Variants in H1-4 observed in about 807,000 individuals in gnomAD.
H1-4 encodes H1.4 linker histone, cluster member, also known as histone H1.4.
Under a neutral mutation model 7.2 loss-of-function variants are expected in H1-4, and 9 were observed. That is an observed-to-expected ratio of 1.25 (90% CI 0.75 to 2.18). The LOEUF is 2.18. Among genes scored for constraint, H1-4 ranks in the 30% most tolerant of loss-of-function variants. H1-4 has a pLI of 0.00. For missense variants in H1-4, 646 were observed against 287.9 expected (o/e 2.24, Z -9.00); for synonymous variants, 318 against 126.6 (o/e 2.51, Z -10.15).
In H1-4 at chr6:26,156,968, C is replaced by A. The variant is rs548744758; in HGVS notation, c.578C>A (p.Ala193Glu). The change falls in exon 1 of 1, where the codon GCA (alanine) becomes GAA (glutamate). Residue 193 changes from alanine to glutamate, a missense_variant. Transcript: ENST00000304218. ...KAPKSPAKAKAVKPKAAKPKT... is the reference protein window; with the variant it reads ...KAPKSPAKAKEVKPKAAKPKT... Reference sequence around the variant, plus strand: ...CCCAAGAGCCCAGCGAAGGCCAAAGCAGTTAAACCCAAGGCGGCTAAACCA... The same window carrying A: ...CCCAAGAGCCCAGCGAAGGCCAAAGAAGTTAAACCCAAGGCGGCTAAACCA... The A allele has an allele frequency of 6.2e-7, 1 of 1,611,962 alleles. No homozygotes were observed. The highest frequency in any genetic ancestry group is 8.5e-7 in the Non-Finnish European group (1 of 1,179,814).
Position 26,156,367 on chromosome 6 carries a change from C to G in H1-4, c.-24C>G, listed in dbSNP as rs150110215. The G allele has an allele frequency of 7.0e-5, 107 of 1,526,300 alleles. 1 individual carries two copies. The South Asian group carries it at 7.9e-4, about 11-fold the overall frequency. The allele number at this position is 1,526,300 out of a possible 1,614,324, so 94.5% of individuals were successfully genotyped here. On this transcript the variant is annotated 5_prime_UTR_variant, in exon 1 of 1. Transcript: ENST00000304218. ...GTGCCTCTGCTTCCGGCTCGAATTGCTCTCGCTCACGCTTGCCTTCAACAT... is the reference window on the plus strand; with the variant it reads ...GTGCCTCTGCTTCCGGCTCGAATTGGTCTCGCTCACGCTTGCCTTCAACAT...
Position 26,156,658 on chromosome 6 carries a change from A to G in H1-4, c.268A>G (p.Lys90Glu). ...IKLGLKSLVS[K>E]GTLVQTKGTG... ...GCTGGGTCTCAAGAGCCTGGTGAGC[A>G]AGGGCACCCTGGTGCAGACCAAGGG... Residue 90 changes from lysine (K) to glutamate (E), a missense_variant, in exon 1 of 1, where the codon AAG becomes GAG. Physicochemically the swap from Lys to Glu is moderately conservative, Grantham distance 56. Coordinates refer to ENST00000304218, the MANE Select transcript of H1-4 (RefSeq NM_005321.3). 1.2e-6 allele frequency: 2 copies of G among 1,614,220 alleles called. No homozygotes were observed. Among genetic ancestry groups the G allele is most frequent in the Non-Finnish European group, 1.7e-6 (2 of 1,180,016 alleles).
In H1-4 at chr6:26,156,834, G is replaced by T. The variant is rs920574953; in HGVS notation, c.444G>T (p.Lys148Asn). 2 of 1,606,810 alleles carry T rather than the reference G, an allele frequency of 1.2e-6. No individual in the cohort carries two copies. Among genetic ancestry groups the T allele is most frequent in the Non-Finnish European group, 1.7e-6 (2 of 1,177,020 alleles). The change falls in exon 1 of 1, where the codon AAG becomes AAT. Residue 148 changes from lysine (K) to asparagine (N), a missense_variant. Lys to Asn is a moderately conservative substitution (Grantham distance 94). Transcript: ENST00000304218. ...PKKATGAATP[K>N]KSAKKTPKKA... is the part of the protein sequence containing the mutation. ...AGGCGACGGGGGCGGCCACCCCCAA[G>T]AAGAGCGCCAAGAAGACCCCAAAGA...
rs61729264 is a variant in H1-4 at position 26,156,765 on chromosome 6, G to T, written c.375G>T (p.Ala125=). The part of the protein sequence containing the change: ...EAKPKAKKAG[A]AKAKKPAGAA... ...AGCCTAAGGCTAAAAAGGCAGGCGC[G>T]GCCAAGGCCAAGAAGCCAGCAGGAG... Residue 125 remains alanine (A), a synonymous_variant, in exon 1 of 1, where the codon GCG becomes GCT. Transcript: ENST00000304218. 8,670 of 1,613,326 alleles carry T rather than the reference G, an allele frequency of 5.4e-3. 235 individuals are homozygous for T. The African/African-American group carries it at 0.071, about 13-fold the overall frequency.
At position 26,156,344 on chromosome 6, in the gene H1-4, G is replaced by C; in HGVS notation, c.-47G>C. On this transcript the variant is annotated 5_prime_UTR_variant, in exon 1 of 1. Coordinates refer to ENST00000304218, the MANE Select transcript of H1-4 (RefSeq NM_005321.3). ...CGCCGCGGCTCGAGTCCCGGCCAGT[G>C]CCTCTGCTTCCGGCTCGAATTGCTC... The C allele has an allele frequency of 6.7e-7, 1 of 1,497,108 alleles. No individual in the cohort carries two copies. The highest frequency in any genetic ancestry group is 1.3e-5 in the South Asian group (1 of 76,470). 92.7% of individuals were successfully genotyped at this position (1,497,108 alleles called of 1,614,324 possible). A position where few individuals can be genotyped will look rare whatever the true frequency, so the allele number is the denominator to read the frequency against.
In H1-4 at chr6:26,156,341, A is replaced by G. The variant is rs745597884; in HGVS notation, c.-50A>G. On this transcript the variant is annotated 5_prime_UTR_variant, in exon 1 of 1. Coordinates refer to ENST00000304218, the MANE Select transcript of H1-4 (RefSeq NM_005321.3). ...CAGCGCCGCGGCTCGAGTCCCGGCC[A>G]GTGCCTCTGCTTCCGGCTCGAATTG... The G allele has an allele frequency of 5.0e-5, 75 of 1,485,222 alleles. No individual in the cohort carries two copies. The highest frequency in any genetic ancestry group is 6.8e-5 in the East Asian group (3 of 43,922). 92.0% of individuals were successfully genotyped at this position (1,485,222 alleles called of 1,614,324 possible). A position where few individuals can be genotyped will look rare whatever the true frequency, so the allele number is the denominator to read the frequency against.
At position 26,156,960 on chromosome 6, in the gene H1-4, G is replaced by T; in HGVS notation, c.570G>T (p.Lys190Asn). Residue 190 changes from lysine (K) to asparagine (N), a missense_variant, in exon 1 of 1, where the codon AAG (lysine) becomes AAT (asparagine). By Grantham distance (94) the Lys-to-Asn change is moderately conservative. Coordinates refer to ENST00000304218, the MANE Select transcript of H1-4 (RefSeq NM_005321.3). ...AAAAGGCGCCCAAGAGCCCAGCGAA[G>T]GCCAAAGCAGTTAAACCCAAGGCGG... ...KPKKAPKSPAKAKAVKPKAAK... is the reference protein window; with the variant it reads ...KPKKAPKSPANAKAVKPKAAK... 1 of 1,612,476 alleles carries T rather than the reference G, an allele frequency of 6.2e-7. No homozygotes were observed. The highest frequency in any genetic ancestry group is 8.5e-7 in the Non-Finnish European group (1 of 1,179,904).
chr6:26,157,036 G>T lies in H1-4; in HGVS notation c.646G>T (p.Ala216Ser), dbSNP rs1476162121. 2 of 1,581,404 alleles carry T rather than the reference G, an allele frequency of 1.3e-6. No homozygotes were observed. Among genetic ancestry groups the T allele is most frequent in the Non-Finnish European group, 8.5e-7 (1 of 1,171,852 alleles). The change falls in exon 1 of 1, where the codon GCC becomes TCC. Residue 216 changes from alanine to serine, a missense_variant. Transcript: ENST00000304218. ...GGCAGCCAAGCCAAAGAAGGCGGCA[G>T]CCAAGAAAAAGTAGAAAGTTCCTTT... is the stretch of plus-strand genomic sequence containing the variant. ...PKAAKPKKAAAKKK is the reference protein window; with the variant it reads ...PKAAKPKKAASKKK
rs553846121 is a variant in H1-4, at chr6:26,156,354, C to G, written c.-37C>G. ...CGAGTCCCGGCCAGTGCCTCTGCTT[C>G]CGGCTCGAATTGCTCTCGCTCACGC... is the stretch of plus-strand genomic sequence containing the variant. On this transcript the variant is annotated 5_prime_UTR_variant, in exon 1 of 1. Transcript: ENST00000304218. The G allele has an allele frequency of 6.6e-6, 10 of 1,514,750 alleles. No homozygotes were observed. Among genetic ancestry groups the G allele is most frequent in the Non-Finnish European group, 8.8e-6 (10 of 1,136,184 alleles). The allele number at this position is 1,514,750 out of a possible 1,614,324, so 93.8% of individuals were successfully genotyped here.
In H1-4 at chr6:26,157,020, G is replaced by C; in HGVS notation, c.630G>C (p.Lys210Asn). 1 of 1,584,184 alleles carries C rather than the reference G, an allele frequency of 6.3e-7. No homozygotes were observed. ...AGACCGCCAAGCCCAAGGCAGCCAA[G>C]CCAAAGAAGGCGGCAGCCAAGAAAA... Reference protein sequence around the residue: ...KPKTAKPKAAKPKKAAAKKK With the variant: ...KPKTAKPKAANPKKAAAKKK Residue 210 changes from lysine (K) to asparagine (N), a missense_variant, in exon 1 of 1, where the codon AAG becomes AAC. Physicochemically the swap from Lys to Asn is moderately conservative, Grantham distance 94 (BLOSUM62 0). Coordinates refer to ENST00000304218, the MANE Select transcript of H1-4 (RefSeq NM_005321.3).
chr6:26,156,990 A>AC lies in H1-4; in HGVS notation c.602dup (p.Thr203AspfsTer?). On this transcript the variant is annotated frameshift_variant, in exon 1 of 1. Transcript: ENST00000304218. LOFTEE classifies it high-confidence loss of function. Reference sequence around the variant, plus strand: ...AAGCAGTTAAACCCAAGGCGGCTAAACCAAAGACCGCCAAGCCCAAGGCAG... The same window carrying AC: ...AAGCAGTTAAACCCAAGGCGGCTAAACCCAAAGACCGCCAAGCCCAAGGCAG... The AC allele has an allele frequency of 6.2e-7, 1 of 1,604,940 alleles. No homozygotes were observed. The highest frequency in any genetic ancestry group is 8.5e-7 in the Non-Finnish European group (1 of 1,177,922).
Position 26,156,740 on chromosome 6 carries a change from A to C in H1-4, c.350A>C (p.Lys117Thr), listed in dbSNP as rs36026202. 1 of 1,614,146 alleles carries C rather than the reference A, an allele frequency of 6.2e-7. No individual in the cohort carries two copies. The highest frequency in any genetic ancestry group is 8.5e-7 in the Non-Finnish European group (1 of 1,180,016). Residue 117 changes from lysine (K) to threonine (T), a missense_variant, in exon 1 of 1, where the codon AAG (lysine) becomes ACG (threonine). Coordinates refer to ENST00000304218, the MANE Select transcript of H1-4 (RefSeq NM_005321.3). ...AAGAAGGCGGCCTCTGGGGAAGCCA[A>C]GCCTAAGGCTAAAAAGGCAGGCGCG... ...LNKKAASGEA[K>T]PKAKKAGAAK...
rs760642724 is a variant in H1-4, at chr6:26,156,780, G to A, written c.390G>A (p.Lys130=). The A allele has an allele frequency of 6.2e-6, 10 of 1,612,500 alleles. No homozygotes were observed. The highest frequency in any genetic ancestry group is 1.3e-5 in the African/African-American group (1 of 74,892). The change falls in exon 1 of 1, where the codon AAG becomes AAA. Residue 130 remains lysine, a synonymous_variant. Transcript: ENST00000304218. ...AGGCAGGCGCGGCCAAGGCCAAGAA[G>A]CCAGCAGGAGCGGCGAAGAAGCCCA... ...AKKAGAAKAK[K]PAGAAKKPKK... is the part of the protein sequence containing the mutation.
chr6:26,157,048 T>A lies in H1-4; in HGVS notation c.658T>A (p.Ter220LysextTer?). Residue 220 changes from the stop codon to lysine (K), a stop_lost, in exon 1 of 1, where the codon TAG becomes AAG. Transcript: ENST00000304218. ...AAAGAAGGCGGCAGCCAAGAAAAAG[T>A]AGAAAGTTCCTTTGGCCAACTGCTT... Reference protein sequence around the residue: ...KPKKAAAKKK* With the variant: ...KPKKAAAKKKK 1 of 1,579,986 alleles carries A rather than the reference T, an allele frequency of 6.3e-7. No homozygotes were observed. The highest frequency in any genetic ancestry group is 8.5e-7 in the Non-Finnish European group (1 of 1,171,464).
chr6:26,156,985 G>A lies in H1-4; in HGVS notation c.595G>A (p.Ala199Thr), dbSNP rs1279974504. 1.9e-6 allele frequency: 3 copies of A among 1,607,390 alleles called. No individual in the cohort carries two copies. The highest frequency in any genetic ancestry group is 2.2e-5 in the East Asian group (1 of 44,860). ...GGCCAAAGCAGTTAAACCCAAGGCG[G>A]CTAAACCAAAGACCGCCAAGCCCAA... The part of the protein sequence containing the change: ...AKAKAVKPKA[A>T]KPKTAKPKAA... Residue 199 changes from alanine to threonine, a missense_variant, in exon 1 of 1, where the codon GCT (alanine) becomes ACT (threonine). By Grantham distance (58) the Ala-to-Thr change is moderately conservative. Coordinates refer to ENST00000304218, the MANE Select transcript of H1-4 (RefSeq NM_005321.3).
In H1-4 at chr6:26,156,881, C is replaced by T. The variant is rs576653028; in HGVS notation, c.491C>T (p.Ala164Val). 4.7e-5 allele frequency: 76 copies of T among 1,608,762 alleles called. No individual in the cohort carries two copies. Among genetic ancestry groups the T allele is most frequent in the Non-Finnish European group, 5.9e-5 (69 of 1,178,294 alleles). ...AAGAAGGCGAAGAAGCCGGCTGCAGCTGCTGGAGCCAAAAAAGCGAAAAGC... is the reference window on the plus strand; with the variant it reads ...AAGAAGGCGAAGAAGCCGGCTGCAGTTGCTGGAGCCAAAAAAGCGAAAAGC... The part of the protein sequence containing the change: ...TPKKAKKPAA[A>V]AGAKKAKSPK... Residue 164 changes from alanine to valine, a missense_variant, in exon 1 of 1, where the codon GCT (alanine) becomes GTT (valine). Transcript: ENST00000304218.
At position 26,157,041 on chromosome 6, in the gene H1-4, G is replaced by C. The variant is rs139391118; in HGVS notation, c.651G>C (p.Lys217Asn). The change falls in exon 1 of 1, where the codon AAG becomes AAC. Residue 217 changes from lysine to asparagine, a missense_variant. By Grantham distance (94) the Lys-to-Asn change is moderately conservative. Transcript: ENST00000304218. ...CCAAGCCAAAGAAGGCGGCAGCCAAGAAAAAGTAGAAAGTTCCTTTGGCCA... is the reference window on the plus strand; with the variant it reads ...CCAAGCCAAAGAAGGCGGCAGCCAACAAAAAGTAGAAAGTTCCTTTGGCCA... ...KAAKPKKAAA[K>N]KK 2 of 1,580,626 alleles carry C rather than the reference G, an allele frequency of 1.3e-6. No individual in the cohort carries two copies. Among genetic ancestry groups the C allele is most frequent in the African/African-American group, 1.4e-5 (1 of 72,604 alleles).
In H1-4 at chr6:26,156,692, C is replaced by T. The variant is rs1764184837; in HGVS notation, c.302C>T (p.Ala101Val). The T allele has an allele frequency of 6.2e-7, 1 of 1,614,102 alleles. No homozygotes were observed. The highest frequency in any genetic ancestry group is 8.5e-7 in the Non-Finnish European group (1 of 1,180,050). Reference sequence around the variant, plus strand: ...CTGGTGCAGACCAAGGGCACCGGCGCGTCGGGTTCCTTCAAACTCAACAAG... The same window carrying T: ...CTGGTGCAGACCAAGGGCACCGGCGTGTCGGGTTCCTTCAAACTCAACAAG... The part of the protein sequence containing the change: ...GTLVQTKGTG[A>V]SGSFKLNKKA... The change falls in exon 1 of 1, where the codon GCG becomes GTG. Residue 101 changes from alanine (A) to valine (V), a missense_variant. Transcript: ENST00000304218.
rs368598196 is a variant in H1-4 at position 26,156,923 on chromosome 6, C to T, written c.533C>T (p.Ala178Val). The change falls in exon 1 of 1, where the codon GCA becomes GTA. Residue 178 changes from alanine to valine, a missense_variant. Ala to Val is a moderately conservative substitution (Grantham distance 64, BLOSUM62 0). Transcript: ENST00000304218. ...KKAKSPKKAKAAKPKKAPKSP... is the reference protein window; with the variant it reads ...KKAKSPKKAKVAKPKKAPKSP... The stretch of plus-strand genomic sequence containing the variant: ...GCGAAAAGCCCGAAAAAGGCGAAAG[C>T]AGCCAAGCCAAAAAAGGCGCCCAAG... 4.3e-5 allele frequency: 69 copies of T among 1,611,160 alleles called. No homozygotes were observed. The African/African-American group carries it at 4.8e-4, about 11-fold the overall frequency.
Sources: allele counts gnomAD v4.1 joint callset, GRCh38; gene constraint gnomAD v4.1.1; transcripts MANE v1.5; gene names NCBI Gene and HGNC (gene_info 2026-07-23, HGNC 2026-07-21).